The following CACNB2 variants were observed in gnomAD, a reference collection of about 807,000 sequenced individuals.
CACNB2 encodes voltage-dependent L-type calcium channel subunit beta-2.
Under a neutral mutation model 73.3 loss-of-function variants are expected in CACNB2, and 42 were observed. The ratio of observed to expected loss-of-function variants is 0.57; its 90% CI spans 0.45 to 0.74. The LOEUF (loss-of-function observed/expected upper bound fraction) is 0.74. Ranked by LOEUF, CACNB2 falls within the 30% of genes least tolerant of loss-of-function variation. CACNB2 has a pLI of 0.00. For synonymous variants in CACNB2, 348 were observed against 310.3 expected (o/e 1.12, Z -1.28); for missense variants, 940 against 853.0 (o/e 1.10, Z -1.27).
chr10:18,251,880 TCA>T (rs749591025), intron 2 of CACNB2, among the ~76,000 whole-genome samples: 1 of 152,068 alleles, frequency 6.6e-6, no homozygotes, highest in Non-Finnish European at 1.5e-5. Context: ...CATGATCCAG[TCA>T]CCTCCCACCA....
intron 2 of CACNB2, among the ~76,000 whole-genome samples, chr10:18,291,913 G>C (rs543103734): frequency 1.8e-4 from 28 of 152,296 alleles, no homozygotes; most frequent in South Asian, 4.2e-4. Context: ...AAATATCTTT[G>C]TAAGTGTTAG....
At position 18,357,387 on chromosome 10, in the gene CACNB2, A is replaced by T. The variant is rs955102947; in HGVS notation, c.214-44537A>T. On this transcript the variant is annotated intron_variant, in intron 2 of 13. Transcript: ENST00000324631. ...ACCCAATGAATAAAAAGATTAATTT[A>T]TTCTCTGGTAATGTGTATTTCAATG... is the stretch of plus-strand genomic sequence containing the variant. Among the ~76,000 whole-genome samples the T allele has an allele frequency of 2.0e-5, 3 of 152,212 alleles. No individual in the cohort carries two copies. In the East Asian group the frequency reaches 5.8e-4, roughly 29 times the overall value.
chr10:18,227,603 T>C (rs2036045152), intron 2 of CACNB2, among the ~76,000 whole-genome samples: 1 of 152,102 alleles, frequency 6.6e-6, no homozygotes, highest in African/African-American at 2.4e-5. Flanking sequence ...TTGAGGGAAC[T>C]TAACAACAGA....
At chr10:18,349,005 C>T (rs2041592496) in intron 2 of CACNB2, among the ~76,000 whole-genome samples, 1 of 152,144 alleles carries the variant, frequency 6.6e-6, no homozygotes, top group African/African-American at 2.4e-5. Flanking sequence ...CCTGTGATCC[C>T]AGCTCCTTGG....
At chr10:18,495,216 G>T (rs557151293) in intron 3 of CACNB2, among the ~76,000 whole-genome samples, 30 of 151,608 alleles carry the variant, frequency 2.0e-4, no homozygotes, top group African/African-American at 7.0e-4. Context: ...ATGGTTGAGG[G>T]AGTCTTTTTT....
chr10:18,235,288 A>C (rs1264869324), intron 2 of CACNB2, among the ~76,000 whole-genome samples: 1 of 152,010 alleles, frequency 6.6e-6, no homozygotes, highest in Non-Finnish European at 1.5e-5. Flanking sequence ...CCCAGTCCCT[A>C]TAAAAAATAA....
At chr10:18,398,513 A>G (rs1564504470) in intron 2 of CACNB2, among the ~76,000 whole-genome samples, 1 of 152,092 alleles carries the variant, frequency 6.6e-6, no homozygotes, top group Non-Finnish European at 1.5e-5. Context: ...ACAAAAAATA[A>G]TTTAAAAATT....
At chr10:18,409,809 CT>C (rs2044516099) in intron 3 of CACNB2, among the ~76,000 whole-genome samples, 1 of 152,108 alleles carries the variant, frequency 6.6e-6, no homozygotes, top group Non-Finnish European at 1.5e-5. Flanking sequence ...CGCTCACAGG[CT>C]TTTGGCAGTT....
Position 18,540,026 on chromosome 10 carries a change from T to C in CACNB2, c.*302T>C. The C allele has an allele frequency of 3.1e-6, 1 of 320,004 alleles. No individual in the cohort carries two copies. Among genetic ancestry groups the C allele is most frequent in the Non-Finnish European group, 5.8e-6 (1 of 171,608 alleles). 19.8% of individuals were successfully genotyped at this position (320,004 alleles called of 1,614,324 possible). A position where few individuals can be genotyped will look rare whatever the true frequency, so the allele number is the denominator to read the frequency against. ...AAAATCTGTTGCCACCCAGGTGATG[T>C]TAGTGTTTTAAGAAATGTAGTTGAT... On this transcript the variant is annotated 3_prime_UTR_variant, in exon 14 of 14. Coordinates refer to ENST00000324631, the MANE Select transcript of CACNB2 (RefSeq NM_201596.3).
intron 2 of CACNB2, among the ~76,000 whole-genome samples, chr10:18,217,904 G>A (rs547303760): frequency 5.3e-4 from 81 of 152,220 alleles, no homozygotes; most frequent in Middle Eastern, 3.4e-3. Flanking sequence ...ACCCTTGGTA[G>A]CCTTTTCTTG....
At chr10:18,499,841 G>C (rs568680104) in intron 4 of CACNB2, among the ~76,000 whole-genome samples, 5 of 151,162 alleles carry the variant, frequency 3.3e-5, no homozygotes, top group South Asian at 2.1e-4. Context: ...ACCTGGTGTG[G>C]TAGCATACAC....
chr10:18,184,441 T>C (rs1757206), intron 2 of CACNB2, among the ~76,000 whole-genome samples: 108,845 of 152,034 alleles, frequency 0.72, 39,027 homozygotes, highest in East Asian at 0.82. Context: ...TCCCCTATTA[T>C]TAACATCTTG....
rs756238320 is a variant in CACNB2, at chr10:18,534,123, T to C, written c.1102T>C (p.Leu368=). The change falls in exon 11 of 14, where the codon TTG becomes CTG. Residue 368 remains leucine (L), a synonymous_variant. Coordinates refer to ENST00000324631, the MANE Select transcript of CACNB2 (RefSeq NM_201596.3). ...AAGGATTTTTGAACTTGCAAGAACA[T>C]TGCAGTTGGTGGTCCTTGACGCGGA... ...IERIFELART[L]QLVVLDADTI... 5.0e-6 allele frequency: 8 copies of C among 1,613,942 alleles called. No individual in the cohort carries two copies. The highest frequency in any genetic ancestry group is 4.0e-5 in the African/African-American group (3 of 74,922).
At chr10:18,534,836 T>C (rs908495745) in intron 11 of CACNB2, among the ~76,000 whole-genome samples, 4 of 152,238 alleles carry the variant, frequency 2.6e-5, no homozygotes, top group African/African-American at 9.6e-5. Flanking sequence ...TTTCATAGAA[T>C]ACCATTTTTA....
intron 7 of CACNB2, among the ~76,000 whole-genome samples, chr10:18,515,433 C>G (rs1236196087): frequency 2.8e-4 from 43 of 152,200 alleles, no homozygotes; most frequent in Non-Finnish European, 2.9e-5. Context: ...TTCTCACACG[C>G]AGATGTGATG....
intron 5 of CACNB2, among the ~76,000 whole-genome samples, chr10:18,504,256 C>T (rs150755745): frequency 6.6e-6 from 1 of 152,240 alleles, no homozygotes; most frequent in Non-Finnish European, 1.5e-5. Flanking sequence ...GGAACTTGAT[C>T]GAGGTCGCAG....
rs561388792 is a variant in CACNB2 at position 18,533,675 on chromosome 10, T to G, written c.1055-401T>G. Among the ~76,000 whole-genome samples the G allele has an allele frequency of 6.6e-5, 10 of 152,324 alleles. No individual in the cohort carries two copies. The East Asian group carries it at 1.7e-3, about 26-fold the overall frequency. On this transcript the variant is annotated intron_variant, in intron 10 of 13. Transcript: ENST00000324631. Reference sequence around the variant, plus strand: ...TGTAAACATAGATCAGCCCGTGCACTGAAAGGAAAACCTGTCATGGTTGCT... The same window carrying G: ...TGTAAACATAGATCAGCCCGTGCACGGAAAGGAAAACCTGTCATGGTTGCT...
chr10:18,421,310 T>C (rs2045310405), intron 3 of CACNB2, among the ~76,000 whole-genome samples: 1 of 152,042 alleles, frequency 6.6e-6, no homozygotes, highest in Non-Finnish European at 1.5e-5. Flanking sequence ...TGTTTTTTTT[T>C]TTCTAAGACA....
At chr10:18,449,143 G>C (rs982580697) in intron 3 of CACNB2, among the ~76,000 whole-genome samples, 4 of 152,196 alleles carry the variant, frequency 2.6e-5, no homozygotes, top group African/African-American at 9.6e-5. Context: ...CCAGCACTTT[G>C]GGGGGCTGAG....
Sources: allele counts gnomAD v4.1 joint callset (sites outside exome capture counted in the v4.1 genomes callset), GRCh38; gene constraint gnomAD v4.1.1; transcripts MANE v1.5; gene names NCBI Gene and HGNC (gene_info 2026-07-23, HGNC 2026-07-21).